Variants in MFHAS1 observed in about 807,000 individuals in gnomAD.
MFHAS1 encodes malignant fibrous histiocytoma-amplified sequence 1.
MFHAS1 carries 50 observed loss-of-function variants against 70.4 expected under a neutral mutation model. That is an observed-to-expected ratio of 0.71 (90% CI 0.57 to 0.90). The LOEUF is 0.90. Ranked by LOEUF, MFHAS1 falls within the 40% of genes least tolerant of loss-of-function variation. MFHAS1 has a pLI of 0.00. For synonymous variants in MFHAS1, 952 were observed against 620.0 expected (o/e 1.54, Z -7.96); for missense variants, 1,795 against 1,347.6 (o/e 1.33, Z -5.20).
chr8:8,850,752 G>A (rs142258969), intron 1 of MFHAS1, among the ~76,000 whole-genome samples: 2 of 148,952 alleles, frequency 1.3e-5, no homozygotes, highest in Non-Finnish European at 3.0e-5. Flanking sequence ...TTGAATCCAG[G>A]AGGCGAAGGT....
intron 1 of MFHAS1, among the ~76,000 whole-genome samples, chr8:8,853,955 C>A (rs1192866177): frequency 6.6e-6 from 1 of 152,156 alleles, no homozygotes; most frequent in African/African-American, 2.4e-5. Flanking sequence ...ATTTCCAATT[C>A]CCATGTTGCA....
Position 8,893,428 on chromosome 8 carries a change from C to G in MFHAS1, c.-370G>C, listed in dbSNP as rs1810181917. The G allele has an allele frequency of 6.9e-6, 1 of 145,494 alleles. No homozygotes were observed. Among genetic ancestry groups the G allele is most frequent in the South Asian group, 2.1e-4 (1 of 4,780 alleles). The allele number at this position is 145,494 out of a possible 1,614,324, so 9.0% of individuals were successfully genotyped here. On this transcript the variant is annotated 5_prime_UTR_variant, in exon 1 of 3. Coordinates refer to ENST00000276282, the MANE Select transcript of MFHAS1 (RefSeq NM_004225.3). ...GCCCCGCTACCCTCGCAGCCGCGGT[C>G]CCGCGGCCGGCAGCGGCGTCGCCTC... is the stretch of plus-strand genomic sequence containing the variant.
At chr8:8,849,847 T>C (rs1223708055) in intron 1 of MFHAS1, among the ~76,000 whole-genome samples, 1 of 152,246 alleles carries the variant, frequency 6.6e-6, no homozygotes. Context: ...AAAGCCCTAA[T>C]TGCCTGGTAT....
At chr8:8,808,133 G>T (rs1008523793) in intron 1 of MFHAS1, among the ~76,000 whole-genome samples, 3 of 151,872 alleles carry the variant, frequency 2.0e-5, no homozygotes, top group Admixed American at 6.6e-5. Flanking sequence ...CGCTCCCCTG[G>T]GAACCCTCCT....
At chr8:8,867,803 C>A (rs10108257) in intron 1 of MFHAS1, among the ~76,000 whole-genome samples, 8,807 of 152,108 alleles carry the variant, frequency 0.058, 761 homozygotes, top group African/African-American at 0.19. Context: ...GTGATGGGCC[C>A]ACCTCGGCCT....
At chr8:8,791,717 G>T (rs1311273207) in intron 2 of MFHAS1, among the ~76,000 whole-genome samples, 4 of 152,168 alleles carry the variant, frequency 2.6e-5, no homozygotes, top group Admixed American at 6.5e-5. Flanking sequence ...CCCACGGGAA[G>T]TATAGGTTTG....
intron 1 of MFHAS1, among the ~76,000 whole-genome samples, chr8:8,833,247 C>T (rs1034040983): frequency 6.6e-6 from 1 of 152,148 alleles, no homozygotes; most frequent in Non-Finnish European, 1.5e-5. Flanking sequence ...GATTGCATTT[C>T]AACATGAGAT....
intron 1 of MFHAS1, among the ~76,000 whole-genome samples, chr8:8,853,184 C>A (rs1216733851): frequency 6.6e-6 from 1 of 152,038 alleles, no homozygotes; most frequent in East Asian, 1.9e-4. Context: ...TGTACATATA[C>A]ACCGACTCAC....
intron 1 of MFHAS1, among the ~76,000 whole-genome samples, chr8:8,835,585 G>T (rs2116843324): frequency 6.6e-6 from 1 of 152,282 alleles, no homozygotes; most frequent in African/African-American, 2.4e-5. Context: ...GATCTTTTAT[G>T]TGAACAATTT....
intron 1 of MFHAS1, among the ~76,000 whole-genome samples, chr8:8,852,344 T>C (rs1309338523): frequency 2.0e-5 from 3 of 151,972 alleles, no homozygotes; most frequent in African/African-American, 7.3e-5. Context: ...TGTGGTGGCA[T>C]GCACCTGTAA....
At chr8:8,857,704 G>C (rs1361963041) in intron 1 of MFHAS1, among the ~76,000 whole-genome samples, 2 of 151,590 alleles carry the variant, frequency 1.3e-5, no homozygotes, top group South Asian at 2.1e-4. Context: ...AGGTTGCAGT[G>C]AGCCAAGATC....
At chr8:8,873,336 A>G (rs1376617477) in intron 1 of MFHAS1, among the ~76,000 whole-genome samples, 3 of 152,194 alleles carry the variant, frequency 2.0e-5, no homozygotes, top group Non-Finnish European at 4.4e-5. Context: ...GAAGGATTTT[A>G]AAGACCAAAC....
chr8:8,893,051 C>G lies in MFHAS1; in HGVS notation c.8G>C (p.Gly3Ala). 1 of 1,500,698 alleles carries G rather than the reference C, an allele frequency of 6.7e-7. No individual in the cohort carries two copies. Among genetic ancestry groups the G allele is most frequent in the Non-Finnish European group, 8.8e-7 (1 of 1,132,230 alleles). 93.0% of individuals were successfully genotyped at this position (1,500,698 alleles called of 1,614,324 possible). Reference sequence around the variant, plus strand: ...GGTCTTCAGGTTGCCACTGTCCATCCCAGCCATGGCGGGGCCCCGGGCCGA... The same window carrying G: ...GGTCTTCAGGTTGCCACTGTCCATCGCAGCCATGGCGGGGCCCCGGGCCGA... MAGMDSGNLKTAR... is the reference protein window; with the variant it reads MAAMDSGNLKTAR... The change falls in exon 1 of 3, where the codon GGG becomes GCG. Residue 3 changes from glycine (G) to alanine (A), a missense_variant. Gly to Ala is a moderately conservative substitution (Grantham distance 60). Transcript: ENST00000276282.
chr8:8,822,643 G>T (rs1390057714), intron 1 of MFHAS1, among the ~76,000 whole-genome samples: 1 of 149,064 alleles, frequency 6.7e-6, no homozygotes, highest in Non-Finnish European at 1.5e-5. Flanking sequence ...CTGAGATGGA[G>T]ACAGGGACCC....
chr8:8,786,254 T>C (rs1805538829), intron 2 of MFHAS1, among the ~76,000 whole-genome samples, 199 bp from the exon 3 acceptor site: 1 of 152,228 alleles, frequency 6.6e-6, no homozygotes. Flanking sequence ...AGCAGTCTAT[T>C]TGCCAAACAT....
intron 1 of MFHAS1, among the ~76,000 whole-genome samples, chr8:8,842,076 A>T (rs1052150894): frequency 1.3e-5 from 2 of 152,182 alleles, no homozygotes; most frequent in African/African-American, 4.8e-5. Context: ...CTTTATAATC[A>T]TCTTAGTAAC....
intron 1 of MFHAS1, among the ~76,000 whole-genome samples, chr8:8,807,470 C>T (rs1189950742): frequency 1.3e-5 from 2 of 152,114 alleles, no homozygotes; most frequent in Non-Finnish European, 2.9e-5. Context: ...TATGAAAAAG[C>T]GTATAGCTTC....
intron 1 of MFHAS1, among the ~76,000 whole-genome samples, chr8:8,854,716 T>C (rs1808370196): frequency 6.6e-6 from 1 of 151,676 alleles, no homozygotes; most frequent in South Asian, 2.1e-4. Context: ...GAAAAAAATA[T>C]GTATTATGAC....
intron 1 of MFHAS1, chr8:8,822,252 G>C (rs1459284484): frequency 1.3e-5 from 2 of 152,504 alleles, no homozygotes; most frequent in Admixed American, 6.5e-5. Context: ...CTGAAGCCAA[G>C]AGAGGCTGGG....
Sources: allele counts gnomAD v4.1 joint callset (sites outside exome capture counted in the v4.1 genomes callset), GRCh38; gene constraint gnomAD v4.1.1; transcripts MANE v1.5; gene names NCBI Gene and HGNC (gene_info 2026-07-23, HGNC 2026-07-21).